ERAP1: variants seen among roughly 807,000 people sequenced by gnomAD.
ERAP1 encodes the protein endoplasmic reticulum aminopeptidase 1.
In ERAP1, 86 loss-of-function variants were observed where a neutral mutation model predicts 103.7. That is an observed-to-expected ratio of 0.83 (90% confidence interval 0.70 to 0.99). The LOEUF is 0.99. Among genes scored for constraint, ERAP1 ranks in the 50% least tolerant of loss-of-function variants. The probability of loss-of-function intolerance (pLI) is 0.00; values close to 1 mark genes in which losing one functional copy is unlikely to be tolerated. For synonymous variants in ERAP1, 398 were observed against 402.4 expected, an observed-to-expected ratio of 0.99 and a Z score of 0.13; for missense variants, 1,009 against 1,128.4, an observed-to-expected ratio of 0.89 and a Z score of 1.52.
At chr5:96,851,709 G>A in the ERAP1 span, among the ~76,000 whole-genome samples, 1 of 152,168 alleles carries the variant, frequency 6.6e-6, no homozygotes, top group Non-Finnish European at 1.5e-5. Flanking sequence ...CTTGAGCCCT[G>A]GAACTGGAGA....
At chr5:96,896,518 G>C in the ERAP1 span, 833,924 of 1,607,872 alleles carry the variant, frequency 0.52, 217,858 homozygotes, top group Middle Eastern at 0.61. Context: ...GTAAATATCA[G>C]GTGCAGGTGG....
the ERAP1 span, among the ~76,000 whole-genome samples, chr5:96,864,120 G>C: frequency 5.5e-4 from 84 of 152,232 alleles, no homozygotes; most frequent in African/African-American, 1.9e-3. Context: ...AGGGGCAATA[G>C]TTGACTTCCT....
At chr5:96,766,008 A>G in intron 19 of ERAP1, 1 of 1,082,298 alleles carries the variant, frequency 9.2e-7, no homozygotes. Flanking sequence ...TTTCTAAGTG[A>G]AAGAGGAAAT....
At chr5:96,825,962 C>A in the ERAP1 span, among the ~76,000 whole-genome samples, 2,659 of 152,276 alleles carry the variant, frequency 0.017, 49 homozygotes, top group Admixed American at 0.059. Context: ...GTATCCCCAG[C>A]ACCAAGCATA....
At chr5:96,924,273 C>A in the ERAP1 span, among the ~76,000 whole-genome samples, 2 of 152,200 alleles carry the variant, frequency 1.3e-5, no homozygotes, top group African/African-American at 4.8e-5. Flanking sequence ...GCCCTGCACA[C>A]CAGGGGCCCT....
the ERAP1 span, among the ~76,000 whole-genome samples, chr5:96,906,611 G>A: frequency 3.3e-5 from 5 of 152,184 alleles, no homozygotes; most frequent in African/African-American, 1.2e-4. Context: ...ATTTTAGTTC[G>A]GTTTTCATAC....
chr5:96,793,479 T>C lies in ERAP1; in HGVS notation c.1109A>G (p.Asn370Ser). Residue 370 changes from asparagine to serine, a missense_variant, in exon 7 of 19, where the codon AAT becomes AGT. Asn to Ser is a conservative substitution (Grantham distance 46). Coordinates refer to ENST00000443439, the MANE Select transcript of ERAP1 (RefSeq NM_001040458.3). The part of the protein sequence containing the change: ...FGNLVTMEWW[N>S]DLWLNEGFAK... The stretch of plus-strand genomic sequence containing the variant: ...AAATCCTTCATTTAGCCAAAGATCA[T>C]TCCACCATTCCATAGTGACCAGGTT... The C allele has an allele frequency of 6.2e-7, 1 of 1,613,908 alleles. No homozygotes were observed. The highest frequency in any genetic ancestry group is 2.2e-5 in the East Asian group (1 of 44,810).
chr5:96,808,296 T>C (rs181198159), upstream of ERAP1: 341 of 714,058 alleles, frequency 4.8e-4, 4 homozygotes, highest in Admixed American at 0.019. Flanking sequence ...TTTTTTTTTT[T>C]CACTGTTTAG....
intron 19 of ERAP1, among the ~76,000 whole-genome samples, chr5:96,767,027 T>G (rs1032324928): frequency 6.6e-6 from 1 of 152,202 alleles, no homozygotes; most frequent in Non-Finnish European, 1.5e-5. Context: ...CTTTGGGAAA[T>G]TTATTATTTA....
intron 1 of ERAP1, among the ~76,000 whole-genome samples, chr5:96,805,346 GTTT>G (rs368326043): frequency 3.4e-5 from 4 of 119,084 alleles, no homozygotes; most frequent in South Asian, 5.3e-4. Context: ...CTGGTTTTTG[GTTT>G]TTTTTTTTAA....
chr5:96,779,014 TC>T (rs1412850337), intron 18 of ERAP1, among the ~76,000 whole-genome samples: 1 of 152,198 alleles, frequency 6.6e-6, no homozygotes, highest in Non-Finnish European at 1.5e-5. Flanking sequence ...ACAATACTCC[TC>T]TAGATGTTGG....
At chr5:96,881,441 T>C in the ERAP1 span, 4 of 456,022 alleles carry the variant, frequency 8.8e-6, no homozygotes, top group Non-Finnish European at 1.8e-5. Flanking sequence ...CTTCATAGAG[T>C]GGACGGCTTG....
At chr5:96,922,051 C>G in the ERAP1 span, among the ~76,000 whole-genome samples, 8 of 152,200 alleles carry the variant, frequency 5.3e-5, no homozygotes, top group African/African-American at 1.4e-4. Flanking sequence ...GTAATCCCAG[C>G]ACTTTGGGAG....
At chr5:96,862,452 G>A in the ERAP1 span, among the ~76,000 whole-genome samples, 2 of 152,200 alleles carry the variant, frequency 1.3e-5, no homozygotes, top group Non-Finnish European at 2.9e-5. Flanking sequence ...CCAACCTTGT[G>A]AAGATGGCCT....
the ERAP1 span, chr5:96,896,965 T>TAAGTCATATGTTGGGTAACGATAGAC: frequency 1.8e-3 from 1,822 of 987,758 alleles, 3 homozygotes; most frequent in South Asian, 4.0e-3. Context: ...GTCAACCATA[T>TAAGTCATATGTTGGGTAACGATAGAC]TTATTCTGCT....
At chr5:96,787,751 CT>C (rs1403874072) in intron 11 of ERAP1, among the ~76,000 whole-genome samples, 1 of 140,306 alleles carries the variant, frequency 7.1e-6, no homozygotes, top group Non-Finnish European at 1.5e-5. Flanking sequence ...CTCCTTAATC[CT>C]TTTGGGAAGA....
Position 96,793,529 on chromosome 5 carries a change from A to G in ERAP1, c.1075-16T>C. 1 of 1,576,506 alleles carries G rather than the reference A, an allele frequency of 6.3e-7. No homozygotes were observed. The highest frequency in any genetic ancestry group is 8.7e-7 in the Non-Finnish European group (1 of 1,145,812). ...TCCCAAACCACTAAAAGCACAACAT[A>G]AGCCATAAACAAAGACACTCAGAAA... On this transcript the variant is annotated splice_polypyrimidine_tract_variant and intron_variant, in intron 6 of 18. Coordinates refer to ENST00000443439, the MANE Select transcript of ERAP1 (RefSeq NM_001040458.3).
intron 3 of ERAP1, among the ~76,000 whole-genome samples, chr5:96,800,158 G>A (rs1777825296): frequency 6.6e-6 from 1 of 152,182 alleles, no homozygotes; most frequent in South Asian, 2.1e-4. Context: ...GCAGAATGAC[G>A]GCCCAGCTGA....
At chr5:96,911,885 A>AAAAAAAAAAT in the ERAP1 span, among the ~76,000 whole-genome samples, 1 of 146,268 alleles carries the variant, frequency 6.8e-6, no homozygotes, top group African/African-American at 2.5e-5. Context: ...AAAAAAAGAA[A>AAAAAAAAAAT]GAAAGAAAGA....
Sources: gnomAD v4.1 joint callset for allele counts (sites outside exome capture counted in the v4.1 genomes callset) on GRCh38, gnomAD v4.1.1 for gene constraint, MANE v1.5 for transcripts, NCBI Gene and HGNC (gene_info 2026-07-23, HGNC 2026-07-21) for gene names.